The following PARG variants were observed in gnomAD, a reference collection of about 807,000 sequenced individuals.
PARG encodes mitochondrial poly(ADP-ribose) glycohydrolase.
PARG carries 35 observed loss-of-function variants against 113.0 expected under a neutral mutation model. The observed-to-expected ratio is 0.31, with a 90% CI of 0.24 to 0.41. The LOEUF is 0.41. Ranked by LOEUF, PARG falls within the 10% of genes least tolerant of loss-of-function variation. The pLI, the probability that PARG is intolerant of heterozygous loss-of-function variation, is 1.00. For missense variants in PARG, 797 were observed against 1,169.4 expected (o/e 0.68, Z 4.64); for synonymous variants, 330 against 409.9 (o/e 0.81, Z 2.36).
At position 49,933,321 on chromosome 10, in the gene PARG, C is replaced by A; in HGVS notation, c.1127G>T (p.Arg376Leu). ...LHFQFEGGES[R>L]TGMNDLNAKL... Reference sequence around the variant, plus strand: ...AGCATTTAAATCATTCATTCCAGTGCGACTCTCTCCTCCTTCAAATTGGAA... The same window carrying A: ...AGCATTTAAATCATTCATTCCAGTGAGACTCTCTCCTCCTTCAAATTGGAA... Residue 376 changes from arginine (R) to leucine (L), a missense_variant, in exon 3 of 18, where the codon CGC (arginine) becomes CTC (leucine). Physicochemically the swap from Arg to Leu is moderately radical, Grantham distance 102. Coordinates refer to ENST00000616448, the MANE Select transcript of PARG (RefSeq NM_003631.5). 6.3e-7 allele frequency: 1 copy of A among 1,579,888 alleles called. No individual in the cohort carries two copies. Among genetic ancestry groups the A allele is most frequent in the Non-Finnish European group, 8.6e-7 (1 of 1,160,046 alleles).
At chr10:49,839,426 G>A (rs1164848518) in intron 15 of PARG, among the ~76,000 whole-genome samples, 4 of 151,950 alleles carry the variant, frequency 2.6e-5, no homozygotes, top group African/African-American at 9.7e-5. Flanking sequence ...ACTGACTGCC[G>A]CCAACTCCTA....
chr10:49,823,823 A>G (rs1039063948), intron 16 of PARG, among the ~76,000 whole-genome samples: 3 of 152,232 alleles, frequency 2.0e-5, no homozygotes, highest in Non-Finnish European at 4.4e-5. Context: ...ATGAAGTATT[A>G]ATAAAAAACA....
intron 1 of PARG, among the ~76,000 whole-genome samples, chr10:49,936,428 A>G (rs1474128109): frequency 3.3e-5 from 5 of 152,220 alleles, no homozygotes; most frequent in African/African-American, 9.7e-5. Context: ...ATAGAAAACC[A>G]TATCACTACT....
intron 7 of PARG, among the ~76,000 whole-genome samples, chr10:49,905,656 C>A (rs2664469): frequency 4.4e-3 from 674 of 152,052 alleles, no homozygotes; most frequent in East Asian, 0.017. Context: ...CATTCCCCCA[C>A]CTTAACTATT....
chr10:49,842,902 T>C (rs1845315009), intron 14 of PARG, among the ~76,000 whole-genome samples: 1 of 152,164 alleles, frequency 6.6e-6, no homozygotes, highest in South Asian at 2.1e-4. Flanking sequence ...AATAAATTTG[T>C]GGCACGTGGG....
At chr10:49,880,959 T>C (rs1439778619) in intron 8 of PARG, among the ~76,000 whole-genome samples, 6 of 152,366 alleles carry the variant, frequency 3.9e-5, no homozygotes, top group African/African-American at 1.4e-4. Flanking sequence ...AAATGTACAT[T>C]CTGTAAAGAA....
chr10:49,920,627 CAT>C (rs1837814267), intron 6 of PARG, among the ~76,000 whole-genome samples: 4 of 143,852 alleles, frequency 2.8e-5, no homozygotes, highest in African/African-American at 7.8e-5. Context: ...TATATATATA[CAT>C]GTATATATAT....
chr10:49,910,285 C>T (rs1367741980), intron 7 of PARG, among the ~76,000 whole-genome samples: 1 of 152,116 alleles, frequency 6.6e-6, no homozygotes, highest in African/African-American at 2.4e-5. Context: ...AAAAGATGCA[C>T]AATTTCTAAG....
chr10:49,932,758 C>T (rs1352065996), intron 3 of PARG, among the ~76,000 whole-genome samples: 36 of 151,680 alleles, frequency 2.4e-4, no homozygotes, highest in African/African-American at 8.7e-4. Context: ...TTCTCTTACC[C>T]AAATCTCAGT....
intron 7 of PARG, among the ~76,000 whole-genome samples, chr10:49,909,205 T>G (rs1837030796): frequency 6.6e-6 from 1 of 152,136 alleles, no homozygotes; most frequent in African/African-American, 2.4e-5. Flanking sequence ...TATTGTGTTT[T>G]ACGTTATTGA....
chr10:49,936,962 C>T (rs1427975835), intron 1 of PARG, among the ~76,000 whole-genome samples: 1 of 152,176 alleles, frequency 6.6e-6, no homozygotes, highest in Non-Finnish European at 1.5e-5. Flanking sequence ...TTAATAGTTT[C>T]TATCACAAAA....
chr10:49,916,604 A>G (rs1385022835), intron 6 of PARG, among the ~76,000 whole-genome samples: 2 of 152,078 alleles, frequency 1.3e-5, no homozygotes, highest in Non-Finnish European at 2.9e-5. Context: ...AAAAGTCAAA[A>G]TATTATGCCA....
intron 15 of PARG, among the ~76,000 whole-genome samples, chr10:49,834,722 G>A (rs1260467788): frequency 6.6e-6 from 1 of 151,948 alleles, no homozygotes; most frequent in South Asian, 2.1e-4. Context: ...GACCTGTGGT[G>A]TCACCTACTT....
At chr10:49,834,882 T>G (rs1337739722) in intron 15 of PARG, among the ~76,000 whole-genome samples, 9 of 152,134 alleles carry the variant, frequency 5.9e-5, no homozygotes, top group Non-Finnish European at 1.0e-4. Context: ...AATTAAATGA[T>G]AAAATTACAT....
intron 7 of PARG, among the ~76,000 whole-genome samples, chr10:49,893,749 AG>A (rs1225834415): frequency 6.6e-6 from 1 of 150,970 alleles, no homozygotes; most frequent in East Asian, 2.0e-4. Context: ...GCTGGGGTGC[AG>A]TGGCGCGATC....
intron 15 of PARG, among the ~76,000 whole-genome samples, chr10:49,834,632 T>C (rs1302244080): frequency 1.3e-5 from 2 of 152,184 alleles, no homozygotes; most frequent in African/African-American, 4.8e-5. Flanking sequence ...TTCATGGCTG[T>C]AACCCCAGCA....
intron 1 of PARG, among the ~76,000 whole-genome samples, chr10:49,940,405 CA>C: frequency 6.8e-6 from 1 of 146,418 alleles, no homozygotes; most frequent in East Asian, 2.0e-4. Context: ...AAATCCTTAG[CA>C]ATGTCTACAT....
intron 9 of PARG, among the ~76,000 whole-genome samples, chr10:49,878,473 C>G (rs1847053486): frequency 6.6e-6 from 1 of 150,394 alleles, no homozygotes; most frequent in Non-Finnish European, 1.5e-5. Flanking sequence ...CAAAAATTAG[C>G]CAGGCGTGGT....
chr10:49,911,397 A>G (rs1837174443), intron 7 of PARG, among the ~76,000 whole-genome samples: 1 of 152,186 alleles, frequency 6.6e-6, no homozygotes, highest in Non-Finnish European at 1.5e-5. Context: ...GCCAGGAGTA[A>G]GTATATTGAT....
Sources: gnomAD v4.1 joint callset for allele counts (sites outside exome capture counted in the v4.1 genomes callset) on GRCh38, gnomAD v4.1.1 for gene constraint, MANE v1.5 for transcripts, NCBI Gene and HGNC (gene_info 2026-07-23, HGNC 2026-07-21) for gene names.